Variants in DAPK1 observed in about 807,000 individuals in gnomAD.
DAPK1 encodes death-associated protein kinase 1.
Under a neutral mutation model 144.9 loss-of-function variants are expected in DAPK1, and 56 were observed. The observed-to-expected ratio is 0.39, with a 90% CI of 0.31 to 0.48. The LOEUF (loss-of-function observed/expected upper bound fraction) is 0.48, where lower values mean the gene tolerates loss of function less well. Ranked by LOEUF, DAPK1 falls within the 20% of genes least tolerant of loss-of-function variation. The pLI, the probability that DAPK1 is intolerant of heterozygous loss-of-function variation, is 0.95. For missense variants in DAPK1, 1,454 were observed against 1,875.4 expected (o/e 0.78, Z 4.15); for synonymous variants, 690 against 749.0 (o/e 0.92, Z 1.29).
intron 3 of DAPK1, among the ~76,000 whole-genome samples, chr9:87,637,609 C>T (rs558247139): frequency 3.1e-4 from 47 of 152,246 alleles, no homozygotes; most frequent in African/African-American, 1.1e-3. Flanking sequence ...TTTTTCTCGT[C>T]ATTAGAGTTA....
At chr9:87,667,533 G>A (rs1353791161) in intron 18 of DAPK1, among the ~76,000 whole-genome samples, 1 of 152,202 alleles carries the variant, frequency 6.6e-6, no homozygotes, top group Non-Finnish European at 1.5e-5. Context: ...AAATGTCAGT[G>A]TTGGCAAGAT....
chr9:87,706,575 C>T lies in DAPK1; in HGVS notation c.3504C>T (p.Arg1168=), dbSNP rs1274954639. Residue 1168 remains arginine, a synonymous_variant, in exon 26 of 26, where the codon CGC becomes CGT. Coordinates refer to ENST00000408954, the MANE Select transcript of DAPK1 (RefSeq NM_004938.4). This position sits in a 1 kb window ranked among gnomAD's most constrained non-coding sequence, Gnocchi z 9.0. Reference sequence around the variant, plus strand: ...GCACAGAGGGCGACGCGGACATCCGCCTGTGGGTGAATGGCTGCAAGCTGG... The same window carrying T: ...GCACAGAGGGCGACGCGGACATCCGTCTGTGGGTGAATGGCTGCAAGCTGG... The part of the protein sequence containing the change: ...QQSTEGDADI[R]LWVNGCKLAN... 1 of 1,613,744 alleles carries T rather than the reference C, an allele frequency of 6.2e-7. No homozygotes were observed. Among genetic ancestry groups the T allele is most frequent in the Non-Finnish European group, 8.5e-7 (1 of 1,179,822 alleles).
At chr9:87,589,055 A>ATTTTTTTTTTTT (rs35875159) in intron 2 of DAPK1, among the ~76,000 whole-genome samples, 4 of 101,190 alleles carry the variant, frequency 4.0e-5, no homozygotes, top group Non-Finnish European at 3.8e-5. Context: ...CGCCCGGCTA[A>ATTTTTTTTTTTT]TTTTTTTTTT....
intron 21 of DAPK1, among the ~76,000 whole-genome samples, chr9:87,687,272 A>T (rs1034187408): frequency 9.9e-5 from 15 of 152,068 alleles, no homozygotes; most frequent in African/African-American, 3.6e-4. Flanking sequence ...ACCTATCTTC[A>T]TTCCCCTCTC....
intron 18 of DAPK1, among the ~76,000 whole-genome samples, chr9:87,663,126 C>G (rs1270041077): frequency 6.6e-6 from 1 of 152,084 alleles, no homozygotes; most frequent in Admixed American, 6.5e-5. Context: ...CTGAACAAGT[C>G]TGCACGTCCT....
At chr9:87,702,884 A>C in intron 24 of DAPK1, 145 bp from the exon 25 acceptor site, 1 of 597,754 alleles carries the variant, frequency 1.7e-6, no homozygotes, top group Admixed American at 2.9e-5. Flanking sequence ...AAAAGAAAAA[A>C]AAACGTCAAC....
intron 3 of DAPK1, among the ~76,000 whole-genome samples, chr9:87,626,718 A>G (rs1156417333): frequency 6.6e-6 from 1 of 152,228 alleles, no homozygotes; most frequent in Non-Finnish European, 1.5e-5. Context: ...ATAAACTCTT[A>G]TCTAGACCTT....
chr9:87,685,680 C>T (rs1824816237), intron 20 of DAPK1, among the ~76,000 whole-genome samples: 1 of 152,172 alleles, frequency 6.6e-6, no homozygotes, highest in African/African-American at 2.4e-5. Context: ...GGGACCCAGA[C>T]TCTGTTATTC....
At chr9:87,543,233 G>A (rs1826120401) in intron 2 of DAPK1, among the ~76,000 whole-genome samples, 1 of 152,186 alleles carries the variant, frequency 6.6e-6, no homozygotes, top group Non-Finnish European at 1.5e-5. Flanking sequence ...CAGATGATCT[G>A]ATAAGAAAAT....
At chr9:87,591,593 A>C (rs746967193) in intron 2 of DAPK1, among the ~76,000 whole-genome samples, 121 of 152,240 alleles carry the variant, frequency 7.9e-4, no homozygotes, top group Admixed American at 5.9e-4. Context: ...AAAGAATCCT[A>C]TATACCAGGG....
At chr9:87,520,397 C>T (rs1825251086) in intron 2 of DAPK1, among the ~76,000 whole-genome samples, 1 of 152,164 alleles carries the variant, frequency 6.6e-6, no homozygotes, top group Non-Finnish European at 1.5e-5. Flanking sequence ...CAAGTCCTCC[C>T]TGTTCAGACA....
intron 1 of DAPK1, chr9:87,498,594 A>C: frequency 3.6e-6 from 1 of 279,878 alleles, no homozygotes; most frequent in Admixed American, 5.1e-5. Flanking sequence ...TGAGGCGCGT[A>C]CCGTCTGGGC....
Position 87,706,363 on chromosome 9 carries a change from G to A in DAPK1, c.3292G>A (p.Gly1098Arg), listed in dbSNP as rs760647790. 17 of 1,609,116 alleles carry A rather than the reference G, an allele frequency of 1.1e-5. No homozygotes were observed. Among genetic ancestry groups the A allele is most frequent in the East Asian group, 2.2e-5 (1 of 44,592 alleles). Residue 1098 changes from glycine to arginine, a missense_variant, in exon 26 of 26, where the codon GGG (glycine) becomes AGG (arginine). Gly to Arg is a moderately radical substitution (Grantham distance 125). Transcript: ENST00000408954. This position sits in a 1 kb window ranked among gnomAD's most constrained non-coding sequence, Gnocchi z 9.0. The stretch of plus-strand genomic sequence containing the variant: ...CATCTGCGCCCGGGACCTGAGCAGC[G>A]GGACCATGGTGGACGTCCCAGCCCT... The part of the protein sequence containing the change: ...MDICARDLSS[G>R]TMVDVPALIK...
chr9:87,534,826 G>A (rs113623644), intron 2 of DAPK1, among the ~76,000 whole-genome samples: 39 of 152,100 alleles, frequency 2.6e-4, no homozygotes, highest in African/African-American at 7.9e-4. Context: ...TGTATTTTTA[G>A]TAGAGATGGG....
chr9:87,658,267 G>T (rs76222419), intron 18 of DAPK1, 140 bp downstream of exon 18: 2 of 598,072 alleles, frequency 3.3e-6, no homozygotes, highest in Non-Finnish European at 3.0e-6. Context: ...CCTCCACTGC[G>T]GTAACATAGA....
In DAPK1 at chr9:87,706,016, C is replaced by A; in HGVS notation, c.3061-116C>A. ...CACGTGGAATGGCCTTGGGTCACTC[C>A]TTAGAGCATCTGCTCAGCCTCTGTT... On this transcript the variant is annotated intron_variant, in intron 25 of 25. Transcript: ENST00000408954. The surrounding 1 kb of genome is among the most constrained non-coding windows in gnomAD (Gnocchi z 9.0). The A allele has an allele frequency of 1.3e-6, 1 of 751,152 alleles. No individual in the cohort carries two copies. The highest frequency in any genetic ancestry group is 2.3e-6 in the Non-Finnish European group (1 of 442,358). 46.5% of individuals were successfully genotyped at this position (751,152 alleles called of 1,614,324 possible). A position where few individuals can be genotyped will look rare whatever the true frequency, so the allele number is the denominator to read the frequency against.
chr9:87,664,045 C>T (rs1019233071), intron 18 of DAPK1, among the ~76,000 whole-genome samples: 1 of 152,112 alleles, frequency 6.6e-6, no homozygotes, highest in Non-Finnish European at 1.5e-5. Context: ...CCCACCCCTG[C>T]ACTGTAGCCT....
intron 2 of DAPK1, among the ~76,000 whole-genome samples, chr9:87,569,586 A>G (rs1345360575): frequency 3.9e-5 from 6 of 152,202 alleles, no homozygotes; most frequent in Non-Finnish European, 2.9e-5. Context: ...GTGATTACCT[A>G]AGTTCTCACT....
intron 2 of DAPK1, among the ~76,000 whole-genome samples, chr9:87,514,507 A>C (rs566188311): frequency 2.6e-5 from 4 of 152,290 alleles, no homozygotes; most frequent in African/African-American, 9.6e-5. Context: ...ATTACTTTCA[A>C]ATGTCATTCT....
Sources: allele counts gnomAD v4.1 joint callset (sites outside exome capture counted in the v4.1 genomes callset), GRCh38; gene constraint gnomAD v4.1.1; non-coding constraint Gnocchi (gnomAD v3.1); transcripts MANE v1.5; gene names NCBI Gene and HGNC (gene_info 2026-07-23, HGNC 2026-07-21).